Variants in ADGRV1 observed in about 807,000 individuals in gnomAD.
The protein encoded by ADGRV1 is adhesion G protein-coupled receptor V1, also known as G-protein coupled receptor 98.
In ADGRV1, 359 loss-of-function variants were observed where a neutral mutation model predicts 596.2. The observed-to-expected ratio is 0.60, with a 90% CI of 0.55 to 0.66. The LOEUF is 0.66. ADGRV1 is among the 30% of genes least tolerant of loss of function. The pLI, the probability that ADGRV1 is intolerant of heterozygous loss-of-function variation, is 0.00. For missense variants in ADGRV1, 7,274 were observed against 7,575.6 expected, an observed-to-expected ratio of 0.96 and a Z score of 1.48; for synonymous variants, 2,681 against 2,679.2, an observed-to-expected ratio of 1.00 and a Z score of -0.02.
chr5:90,953,046 C>T (rs543495099), intron 83 of ADGRV1, among the ~76,000 whole-genome samples: 4 of 152,032 alleles, frequency 2.6e-5, no homozygotes, highest in South Asian at 2.1e-4. Flanking sequence ...ACCAAGTGTA[C>T]GGGAACACTG....
chr5:91,087,498 C>T (rs1452811317), intron 86 of ADGRV1, among the ~76,000 whole-genome samples: 2 of 150,790 alleles, frequency 1.3e-5, no homozygotes, highest in Non-Finnish European at 1.5e-5. Flanking sequence ...GATGGGCTTT[C>T]ACCATGTTGA....
intron 42 of ADGRV1, among the ~76,000 whole-genome samples, chr5:90,715,999 T>A (rs1750056560): frequency 6.6e-6 from 1 of 152,216 alleles, no homozygotes; most frequent in Non-Finnish European, 1.5e-5. Flanking sequence ...GTTCTTACTG[T>A]AGTTCTAATA....
intron 21 of ADGRV1, among the ~76,000 whole-genome samples, chr5:90,663,021 T>C (rs1298636519): frequency 6.0e-5 from 9 of 149,226 alleles, no homozygotes; most frequent in Admixed American, 2.7e-4. Flanking sequence ...TTGTTGGACA[T>C]TTGGGTTGGT....
At position 90,778,300 on chromosome 5, in the gene ADGRV1, T is replaced by TATGG. The variant is rs1758471110; in HGVS notation, c.12667-126_12667-123dup. On this transcript the variant is annotated intron_variant, in intron 62 of 89. Transcript: ENST00000405460. The stretch of plus-strand genomic sequence containing the variant: ...ATTTGGTATTGTGGAGGTGCCTGTG[T>TATGG]ATGGGATTAAGAGTGGGAATGAGGA... The TATGG allele has an allele frequency of 3.8e-5, 32 of 849,292 alleles. No individual in the cohort carries two copies. The South Asian group carries it at 5.3e-4, about 14-fold the overall frequency. The allele number at this position is 849,292 out of a possible 1,614,324, so 52.6% of individuals were successfully genotyped here.
At chr5:90,582,262 A>G (rs576414845) in intron 1 of ADGRV1, among the ~76,000 whole-genome samples, 17 of 152,178 alleles carry the variant, frequency 1.1e-4, no homozygotes, top group South Asian at 4.1e-4. Flanking sequence ...TTTTGCCTCA[A>G]TGATCTGTCT....
chr5:90,763,457 T>C lies in ADGRV1; in HGVS notation c.12273T>C (p.Leu4091=), dbSNP rs1263766275. ...ACCTTAGTCCTTTGAATGGGACCCTTCATTTTGATGAGGTATAGTCAGCAT... is the reference window on the plus strand; with the variant it reads ...ACCTTAGTCCTTTGAATGGGACCCTCCATTTTGATGAGGTATAGTCAGCAT... ...KHNLSPLNGT[L]HFDETESQKT... The change falls in exon 59 of 90, where the codon CTT becomes CTC. Residue 4091 remains leucine, a synonymous_variant. Coordinates refer to ENST00000405460, the MANE Select transcript of ADGRV1 (RefSeq NM_032119.4). 12 of 1,612,418 alleles carry C rather than the reference T, an allele frequency of 7.4e-6. No homozygotes were observed. Among genetic ancestry groups the C allele is most frequent in the Non-Finnish European group, 1.0e-5 (12 of 1,178,680 alleles).
At chr5:90,836,664 A>G (rs984391142) in intron 77 of ADGRV1, among the ~76,000 whole-genome samples, 6 of 152,188 alleles carry the variant, frequency 3.9e-5, no homozygotes, top group African/African-American at 1.2e-4. Context: ...GACTGTATCA[A>G]TAACAAAATC....
chr5:90,619,259 T>G, intron 4 of ADGRV1, 78 bp downstream of exon 4: 1 of 630,324 alleles, frequency 1.6e-6, no homozygotes, highest in Non-Finnish European at 2.6e-6. Flanking sequence ...TTCATGATGT[T>G]AGCTAGTATC....
In ADGRV1 at chr5:90,706,261, C is replaced by T. The variant is rs756399688; in HGVS notation, c.8597C>T (p.Pro2866Leu). ...GAINVTYTTV[P>L]GMLSLKNQTV... ...ATCAATGTCACATATACCACGGTTC[C>T]TGGAATGCTGAGTCTGAAGAACCAA... The change falls in exon 38 of 90, where the codon CCT (proline) becomes CTT (leucine). Residue 2866 changes from proline (P) to leucine (L), a missense_variant. By Grantham distance (98) the Pro-to-Leu change is moderately conservative. Coordinates refer to ENST00000405460, the MANE Select transcript of ADGRV1 (RefSeq NM_032119.4). 1 of 1,612,900 alleles carries T rather than the reference C, an allele frequency of 6.2e-7. No individual in the cohort carries two copies. The highest frequency in any genetic ancestry group is 1.1e-5 in the South Asian group (1 of 90,736).
At chr5:90,804,863 A>G (rs1208373123) in intron 71 of ADGRV1, 1 of 152,480 alleles carries the variant, frequency 6.6e-6, no homozygotes, top group African/African-American at 2.4e-5. Context: ...GAACCCTAAT[A>G]GAAGGTCTAG....
In ADGRV1 at chr5:90,959,921, C is replaced by T. The variant is rs537702016; in HGVS notation, c.17857-5494C>T. Among the ~76,000 whole-genome samples the T allele has an allele frequency of 1.1e-3, 173 of 152,112 alleles. 1 individual carries two copies. The highest frequency in any genetic ancestry group is 8.5e-4 in the Non-Finnish European group (58 of 67,980). Reference sequence around the variant, plus strand: ...TTGGGAGGCTAAGGTGGGCAGATCACGAGGTCAGGAGATCAAGACCATCCT... The same window carrying T: ...TTGGGAGGCTAAGGTGGGCAGATCATGAGGTCAGGAGATCAAGACCATCCT... On this transcript the variant is annotated intron_variant, in intron 83 of 89. Transcript: ENST00000405460.
chr5:90,690,231 C>A (rs1347151830), intron 30 of ADGRV1, among the ~76,000 whole-genome samples, 155 bp downstream of exon 30: 6 of 152,134 alleles, frequency 3.9e-5, no homozygotes, highest in Non-Finnish European at 8.8e-5. Context: ...CAGTTATTGG[C>A]AGTTGTTAGT....
intron 82 of ADGRV1, among the ~76,000 whole-genome samples, chr5:90,861,818 A>G (rs1767608220): frequency 6.6e-6 from 1 of 152,198 alleles, no homozygotes; most frequent in African/African-American, 2.4e-5. Flanking sequence ...GAAACCTGAT[A>G]ATTGAAATAA....
At chr5:90,851,346 G>A (rs1285975086) in intron 79 of ADGRV1, among the ~76,000 whole-genome samples, 1 of 152,016 alleles carries the variant, frequency 6.6e-6, no homozygotes, top group Non-Finnish European at 1.5e-5. Context: ...CAATTAGGTG[G>A]TAGAATTAAT....
intron 53 of ADGRV1, among the ~76,000 whole-genome samples, chr5:90,751,468 C>T (rs1183156569): frequency 2.0e-5 from 3 of 151,986 alleles, no homozygotes; most frequent in Non-Finnish European, 4.4e-5. Context: ...GTACATCAGC[C>T]CCAAGAAGGG....
intron 83 of ADGRV1, among the ~76,000 whole-genome samples, chr5:90,872,268 A>T (rs568522654): frequency 3.7e-4 from 57 of 152,268 alleles, no homozygotes; most frequent in Non-Finnish European, 8.8e-5. Flanking sequence ...CATCATCAGT[A>T]ATTTTGTTTA....
At position 90,753,636 on chromosome 5, in the gene ADGRV1, A is replaced by G. The variant is rs1755509157; in HGVS notation, c.11184A>G (p.Ile3728Met). 6.2e-7 allele frequency: 1 copy of G among 1,612,008 alleles called. No homozygotes were observed. Among genetic ancestry groups the G allele is most frequent in the Non-Finnish European group, 8.5e-7 (1 of 1,178,142 alleles). ...TITLTILADN[I>M]PELSEVVIVT... ...CTCTAACTATTCTTGCTGATAATAT[A>G]CCAGAGTTATCAGAGGTTGTGATTG... The change falls in exon 54 of 90, where the codon ATA becomes ATG. Residue 3728 changes from isoleucine (I) to methionine (M), a missense_variant. This residue lies in a region of ADGRV1 where 3,643 missense variants were observed against 3,809.2 expected (regional missense o/e 0.96). Coordinates refer to ENST00000405460, the MANE Select transcript of ADGRV1 (RefSeq NM_032119.4).
intron 81 of ADGRV1, among the ~76,000 whole-genome samples, 165 bp from the exon 82 acceptor site, chr5:90,855,576 G>A (rs1055178142): frequency 2.0e-5 from 3 of 152,186 alleles, no homozygotes; most frequent in Admixed American, 2.0e-4. Context: ...GTCATGTCAT[G>A]TCCTGGACAA....
chr5:90,996,587 G>T (rs954424379), intron 85 of ADGRV1, among the ~76,000 whole-genome samples: 1 of 152,226 alleles, frequency 6.6e-6, no homozygotes, highest in African/African-American at 2.4e-5. Flanking sequence ...TGGGGTTGGA[G>T]TCCCGACACA....
Sources: allele counts gnomAD v4.1 joint callset (sites outside exome capture counted in the v4.1 genomes callset), GRCh38; gene constraint gnomAD v4.1.1; regional missense constraint gnomAD v4.1.1; transcripts MANE v1.5; gene names NCBI Gene and HGNC (gene_info 2026-07-23, HGNC 2026-07-21).